ROCK1: variants seen among roughly 807,000 people sequenced by gnomAD.
The protein encoded by ROCK1 is Rho associated coiled-coil containing protein kinase 1, also known as rho-associated protein kinase 1.
Under a neutral mutation model 196.8 loss-of-function variants are expected in ROCK1, and 36 were observed. The observed-to-expected ratio is 0.18, with a 90% CI of 0.14 to 0.24. The LOEUF (loss-of-function observed/expected upper bound fraction) is 0.24, where lower values mean the gene tolerates loss of function less well. Ranked by LOEUF, ROCK1 falls within the 10% of genes least tolerant of loss-of-function variation. ROCK1 has a pLI of 1.00. For missense variants in ROCK1, 920 were observed against 1,562.0 expected, an observed-to-expected ratio of 0.59 and a Z score of 6.93; for synonymous variants, 443 against 515.9, an observed-to-expected ratio of 0.86 and a Z score of 1.91.
Position 21,029,028 on chromosome 18 carries a change from T to C in ROCK1, c.1052-93A>G, listed in dbSNP as rs574393904. 32 of 1,292,664 alleles carry C rather than the reference T, an allele frequency of 2.5e-5. No individual in the cohort carries two copies. The East Asian group carries it at 5.4e-4, about 22-fold the overall frequency. The allele number at this position is 1,292,664 out of a possible 1,614,324, so 80.1% of individuals were successfully genotyped here. On this transcript the variant is annotated intron_variant, in intron 9 of 32. Coordinates refer to ENST00000399799, the MANE Select transcript of ROCK1 (RefSeq NM_005406.3). ...TACCAACTACTGATGGTTTCTCTCTTATAAAACCTTGCAAACCACAAATTC... is the reference window on the plus strand; with the variant it reads ...TACCAACTACTGATGGTTTCTCTCTCATAAAACCTTGCAAACCACAAATTC...
At chr18:21,101,596 C>G (rs1370361807) in intron 1 of ROCK1, among the ~76,000 whole-genome samples, 1 of 152,042 alleles carries the variant, frequency 6.6e-6, no homozygotes, top group African/African-American at 2.4e-5. Flanking sequence ...TGTATAGTAC[C>G]ACTGACCTAG....
intron 1 of ROCK1, among the ~76,000 whole-genome samples, chr18:21,099,882 A>AT (rs1328555559): frequency 6.6e-6 from 1 of 152,108 alleles, no homozygotes; most frequent in African/African-American, 2.4e-5. Flanking sequence ...CTAAAGATAC[A>AT]AAAATTAGCC....
chr18:21,061,809 C>T (rs2036293838), intron 2 of ROCK1, among the ~76,000 whole-genome samples: 2 of 152,224 alleles, frequency 1.3e-5, no homozygotes, highest in Middle Eastern at 6.8e-3. Flanking sequence ...TATTGTGTTC[C>T]AGTTGGTAAA....
At chr18:21,045,214 T>A in intron 5 of ROCK1, 78 bp downstream of exon 5, 2 of 1,288,374 alleles carry the variant, frequency 1.6e-6, no homozygotes, top group Non-Finnish European at 2.1e-6. Flanking sequence ...ATGGGTGAAC[T>A]GAGAGTAAGA....
intron 2 of ROCK1, among the ~76,000 whole-genome samples, chr18:21,050,241 A>G (rs2036193157): frequency 6.6e-6 from 1 of 152,054 alleles, no homozygotes; most frequent in Non-Finnish European, 1.5e-5. Flanking sequence ...AAACATGAGT[A>G]GATATTTTAG....
At chr18:21,054,010 G>A (rs763144128) in intron 2 of ROCK1, among the ~76,000 whole-genome samples, 8 of 152,116 alleles carry the variant, frequency 5.3e-5, no homozygotes, top group Non-Finnish European at 1.0e-4. Context: ...GCAGTGTGAA[G>A]CAAGGAGAGC....
chr18:21,081,747 G>A (rs2036484399), intron 1 of ROCK1, among the ~76,000 whole-genome samples: 1 of 151,986 alleles, frequency 6.6e-6, no homozygotes, highest in Admixed American at 6.6e-5. Flanking sequence ...AGAAAAAAAG[G>A]GTAACTTACA....
chr18:20,991,089 A>T, intron 18 of ROCK1, 87 bp downstream of exon 18: 1 of 996,576 alleles, frequency 1.0e-6, no homozygotes, highest in Non-Finnish European at 1.5e-6. Flanking sequence ...TCTACGAGTT[A>T]AAGAGTACAA....
intron 9 of ROCK1, among the ~76,000 whole-genome samples, chr18:21,037,933 T>C (rs1262700403): frequency 1.3e-5 from 2 of 152,142 alleles, no homozygotes; most frequent in African/African-American, 4.8e-5. Flanking sequence ...TTTCAATACA[T>C]AAAAGGAAAA....
At chr18:20,969,031 T>G (rs1166393319) in intron 24 of ROCK1, 84 bp downstream of exon 24, 1 of 962,396 alleles carries the variant, frequency 1.0e-6, no homozygotes, top group Non-Finnish European at 1.6e-6. Context: ...TGAAAACAGG[T>G]ATCTTAGAAA....
At chr18:21,076,961 CTTTTTTTTTT>C (rs71178160) in intron 1 of ROCK1, among the ~76,000 whole-genome samples, 1 of 65,966 alleles carries the variant, frequency 1.5e-5, no homozygotes, top group Non-Finnish European at 2.8e-5. Context: ...AAAGGACAGT[CTTTTTTTTTT>C]TTTTTTTTTT....
chr18:20,967,146 G>T, intron 26 of ROCK1, 70 bp from the exon 27 acceptor site: 1 of 1,087,774 alleles, frequency 9.2e-7, no homozygotes, highest in South Asian at 1.5e-5. Context: ...ATTGAAATAT[G>T]ATAATTTAAA....
chr18:21,047,570 G>T (rs1269672098), intron 4 of ROCK1, among the ~76,000 whole-genome samples: 1 of 152,116 alleles, frequency 6.6e-6, no homozygotes, highest in Non-Finnish European at 1.5e-5. Flanking sequence ...GAGGCAGGCG[G>T]ATCACGAGGT....
chr18:21,007,984 A>G (rs1349981608), intron 14 of ROCK1, 75 bp downstream of exon 14: 25 of 1,174,008 alleles, frequency 2.1e-5, no homozygotes, highest in Non-Finnish European at 2.7e-5. Context: ...TGTATGTATC[A>G]TGGACACTAA....
intron 29 of ROCK1, among the ~76,000 whole-genome samples, 184 bp downstream of exon 29, chr18:20,959,656 A>G (rs2143337802): frequency 6.6e-6 from 1 of 151,812 alleles, no homozygotes; most frequent in East Asian, 1.9e-4. Flanking sequence ...AAATAAGTAT[A>G]TACATTTTTC....
intron 1 of ROCK1, among the ~76,000 whole-genome samples, chr18:21,101,279 A>G (rs1230119336): frequency 2.0e-5 from 3 of 152,244 alleles, no homozygotes; most frequent in African/African-American, 7.2e-5. Context: ...GTTAAAGATC[A>G]TGAATGAATG....
At chr18:20,992,958 T>G in intron 16 of ROCK1, 21 bp from the exon 17 acceptor site, 1 of 1,488,140 alleles carries the variant, frequency 6.7e-7, no homozygotes, top group Admixed American at 1.7e-5. Context: ...AGAAAAAAGT[T>G]CAAGTCTGTA....
intron 16 of ROCK1, among the ~76,000 whole-genome samples, chr18:21,005,841 C>T (rs2035763893): frequency 6.6e-6 from 1 of 152,080 alleles, no homozygotes; most frequent in Non-Finnish European, 1.5e-5. Context: ...CATGCCGCTG[C>T]ACTCCAGCCT....
intron 1 of ROCK1, among the ~76,000 whole-genome samples, chr18:21,104,607 A>G (rs2143606605): frequency 6.6e-6 from 1 of 152,308 alleles, no homozygotes; most frequent in Non-Finnish European, 1.5e-5. Flanking sequence ...CAAAAGATTA[A>G]TGAATTAACC....
Sources: allele counts gnomAD v4.1 joint callset (sites outside exome capture counted in the v4.1 genomes callset), GRCh38; gene constraint gnomAD v4.1.1; transcripts MANE v1.5; gene names NCBI Gene and HGNC (gene_info 2026-07-23, HGNC 2026-07-21).